The following CEMIP variants were observed in gnomAD, a reference collection of about 807,000 sequenced individuals.
CEMIP encodes cell migration inducing hyaluronidase 1, also known as cell migration-inducing and hyaluronan-binding protein.
Under a neutral mutation model 156.9 loss-of-function variants are expected in CEMIP, and 105 were observed. The ratio of observed to expected loss-of-function variants is 0.67; its 90% confidence interval spans 0.57 to 0.79. The LOEUF (loss-of-function observed/expected upper bound fraction) is 0.79, where lower values mean the gene tolerates loss of function less well. CEMIP is among the 30% of genes least tolerant of loss of function. The pLI is 0.00. For synonymous variants in CEMIP, 676 were observed against 668.4 expected (o/e 1.01, Z -0.17); for missense variants, 1,457 against 1,769.4 (o/e 0.82, Z 3.17).
intron 1 of CEMIP, among the ~76,000 whole-genome samples, chr15:80,804,918 C>A (rs1001993856): frequency 6.6e-6 from 1 of 152,092 alleles, no homozygotes; most frequent in Non-Finnish European, 1.5e-5. Flanking sequence ...TAATTCATCG[C>A]TCATGTAGAA....
At chr15:80,817,236 AG>A (rs1896805016) in intron 1 of CEMIP, among the ~76,000 whole-genome samples, 2 of 152,108 alleles carry the variant, frequency 1.3e-5, no homozygotes, top group South Asian at 4.2e-4. Context: ...AGGAGAAGTG[AG>A]GAGAAAGTTG....
chr15:80,860,758 G>T (rs1007805279), intron 1 of CEMIP, among the ~76,000 whole-genome samples: 3 of 151,854 alleles, frequency 2.0e-5, no homozygotes, highest in African/African-American at 7.3e-5. Context: ...GGGTGTTCAC[G>T]TCTTATCACC....
chr15:80,918,299 A>G (rs75991456), intron 14 of CEMIP, among the ~76,000 whole-genome samples: 2 of 152,118 alleles, frequency 1.3e-5, no homozygotes, highest in Non-Finnish European at 2.9e-5. Context: ...GAAAAAAAAA[A>G]GACTTGAAGG....
At chr15:80,890,862 G>C (rs1899012975) in intron 10 of CEMIP, among the ~76,000 whole-genome samples, 1 of 152,134 alleles carries the variant, frequency 6.6e-6, no homozygotes, top group African/African-American at 2.4e-5. Context: ...CAAAGTCTGA[G>C]GAAAACTTTC....
At chr15:80,880,463 A>G (rs140333571) in intron 5 of CEMIP, among the ~76,000 whole-genome samples, 2 of 152,274 alleles carry the variant, frequency 1.3e-5, no homozygotes, top group East Asian at 3.9e-4. Context: ...TTGAGATGGA[A>G]TCTTGCTCTG....
At chr15:80,938,809 C>T (rs60534293) in intron 25 of CEMIP, among the ~76,000 whole-genome samples, 11 of 152,044 alleles carry the variant, frequency 7.2e-5, no homozygotes, top group Non-Finnish European at 1.2e-4. Flanking sequence ...AAAGAAATTT[C>T]GTCTAATGTC....
At chr15:80,839,289 A>T (rs141766580) in intron 1 of CEMIP, among the ~76,000 whole-genome samples, 25 of 131,188 alleles carry the variant, frequency 1.9e-4, no homozygotes, top group African/African-American at 3.4e-4. Context: ...CAAGGCCGTG[A>T]GTGTGTGTGT....
At chr15:80,891,324 C>T (rs2141849766) in intron 10 of CEMIP, among the ~76,000 whole-genome samples, 1 of 152,290 alleles carries the variant, frequency 6.6e-6, no homozygotes. Flanking sequence ...AGACACAGGC[C>T]CTTCCTAGAG....
intron 28 of CEMIP, among the ~76,000 whole-genome samples, chr15:80,944,963 C>T (rs548609568): frequency 2.0e-5 from 3 of 152,170 alleles, no homozygotes; most frequent in Non-Finnish European, 4.4e-5. Flanking sequence ...GCATTGGTAC[C>T]ACTAGACCCC....
At chr15:80,812,070 G>A (rs1027859134) in intron 1 of CEMIP, among the ~76,000 whole-genome samples, 2 of 152,054 alleles carry the variant, frequency 1.3e-5, no homozygotes, top group African/African-American at 4.8e-5. Context: ...CTATTCACAG[G>A]CACCAGCATC....
In CEMIP at chr15:80,936,535, C is replaced by G. The variant is rs140289942; in HGVS notation, c.3010-139C>G. 39 of 798,968 alleles carry G rather than the reference C, an allele frequency of 4.9e-5. No individual in the cohort carries two copies. In the East Asian group the frequency reaches 8.8e-4, roughly 18 times the overall value. 49.5% of individuals were successfully genotyped at this position (798,968 alleles called of 1,614,324 possible). ...ATGTCCCCTTATTTGGCCTTTCTTT[C>G]ATTCAAGCCTTCTAAAAAGGGTTCT... On this transcript the variant is annotated intron_variant, in intron 23 of 29. Transcript: ENST00000394685.
intron 1 of CEMIP, among the ~76,000 whole-genome samples, chr15:80,844,845 G>A (rs995020639): frequency 6.6e-5 from 10 of 152,198 alleles, no homozygotes; most frequent in Non-Finnish European, 1.5e-5. Context: ...CCAGCCTTGG[G>A]TTGGGAGAAC....
chr15:80,836,546 A>G (rs1209811322), intron 1 of CEMIP, among the ~76,000 whole-genome samples: 1 of 151,982 alleles, frequency 6.6e-6, no homozygotes, highest in Non-Finnish European at 1.5e-5. Flanking sequence ...CCTTCCTCAA[A>G]CGTTTCTGTT....
At position 80,910,905 on chromosome 15, in the gene CEMIP, A is replaced by T. The variant is rs117353292; in HGVS notation, c.1797+1599A>T. 3.7e-4 allele frequency among the ~76,000 whole-genome samples: 57 copies of T among 152,304 alleles called. No homozygotes were observed. The East Asian group carries it at 9.8e-3, about 26-fold the overall frequency. On this transcript the variant is annotated intron_variant, in intron 14 of 29. Transcript: ENST00000394685. ...TGTAGGATTTTTTTCTGTCTCAAGG[A>T]AAAAGGAAAGGAGAATGTTTTCTGG...
chr15:80,909,377 A>T lies in CEMIP; in HGVS notation c.1797+71A>T, dbSNP rs1235542177. 7 of 1,468,964 alleles carry T rather than the reference A, an allele frequency of 4.8e-6. No homozygotes were observed. The Admixed American group carries it at 5.1e-5, about 11-fold the overall frequency. 91.0% of individuals were successfully genotyped at this position (1,468,964 alleles called of 1,614,324 possible). ...TGGTTAGCACTGGAGGGGTGTTTGGATGTAGACACTTAATCCAGGGCCTTT... is the reference window on the plus strand; with the variant it reads ...TGGTTAGCACTGGAGGGGTGTTTGGTTGTAGACACTTAATCCAGGGCCTTT... On this transcript the variant is annotated intron_variant, in intron 14 of 29. Coordinates refer to ENST00000394685, the MANE Select transcript of CEMIP (RefSeq NM_001293298.2).
At chr15:80,836,926 C>T (rs1312602183) in intron 1 of CEMIP, among the ~76,000 whole-genome samples, 1 of 152,216 alleles carries the variant, frequency 6.6e-6, no homozygotes, top group Non-Finnish European at 1.5e-5. Flanking sequence ...ATGTCCTGAG[C>T]CCCTGGCTGC....
At chr15:80,936,989 G>A in intron 24 of CEMIP, 104 bp downstream of exon 24, 1 of 1,094,346 alleles carries the variant, frequency 9.1e-7, no homozygotes, top group Non-Finnish European at 1.4e-6. Flanking sequence ...TAGCCCATGT[G>A]ATCCATGCAG....
chr15:80,786,556 C>CTGTGTG (rs3048927), intron 1 of CEMIP, among the ~76,000 whole-genome samples: 16,640 of 140,574 alleles, frequency 0.12, 1,447 homozygotes, highest in African/African-American at 0.24. Context: ...GGATGTCTTG[C>CTGTGTG]TGTGTGTGTG....
chr15:80,925,846 G>A (rs1041641634), intron 19 of CEMIP, 91 bp downstream of exon 19: 38 of 1,514,298 alleles, frequency 2.5e-5, no homozygotes, highest in Middle Eastern at 2.3e-4. Context: ...AAAGCAGAGA[G>A]GGGAAGCCAG....
Sources: gnomAD v4.1 joint callset for allele counts (sites outside exome capture counted in the v4.1 genomes callset) on GRCh38, gnomAD v4.1.1 for gene constraint, MANE v1.5 for transcripts, NCBI Gene and HGNC (gene_info 2026-07-23, HGNC 2026-07-21) for gene names.